The following TBL1XR1 variants were observed in gnomAD, a reference collection of about 807,000 sequenced individuals.
The protein encoded by TBL1XR1 is F-box-like/WD repeat-containing protein TBL1XR1.
TBL1XR1 carries 5 observed loss-of-function variants against 66.9 expected under a neutral mutation model. The ratio of observed to expected loss-of-function variants is 0.07; its 90% CI spans 0.04 to 0.16. The LOEUF (loss-of-function observed/expected upper bound fraction) is 0.16, where lower values mean the gene tolerates loss of function less well. TBL1XR1 is among the 10% of genes least tolerant of loss of function. TBL1XR1 has a pLI of 1.00. For missense variants in TBL1XR1, 238 were observed against 623.2 expected (o/e 0.38, Z 6.58); for synonymous variants, 210 against 206.0 (o/e 1.02, Z -0.17).
chr3:177,133,330 CA>C (rs1237445467), intron 1 of TBL1XR1, among the ~76,000 whole-genome samples: 1 of 152,056 alleles, frequency 6.6e-6, no homozygotes, highest in Non-Finnish European at 1.5e-5. Context: ...AACGAATCCA[CA>C]ATCCTTGGAT....
At chr3:177,130,881 C>T (rs753548451) in intron 1 of TBL1XR1, among the ~76,000 whole-genome samples, 8 of 152,082 alleles carry the variant, frequency 5.3e-5, no homozygotes, top group African/African-American at 1.7e-4. Flanking sequence ...ATTACTGAGC[C>T]GGACACAGAG....
At chr3:177,070,335 A>G (rs1286742893) in intron 2 of TBL1XR1, among the ~76,000 whole-genome samples, 2 of 152,276 alleles carry the variant, frequency 1.3e-5, no homozygotes, top group Admixed American at 1.3e-4. Flanking sequence ...ACATAAAAAT[A>G]CATATCCTAG....
In TBL1XR1 at chr3:177,189,228, C is replaced by T. The variant is rs1349775415; in HGVS notation, c.-122+7893G>A. ...GTCTCAAAATAAAAATAAGAAATAA[C>T]AATTTCAGGCCAGGTGTGGTGGCTC... On this transcript the variant is annotated intron_variant, in intron 1 of 15. Coordinates refer to ENST00000457928, the MANE Select transcript of TBL1XR1 (RefSeq NM_024665.7). 2.0e-5 allele frequency among the ~76,000 whole-genome samples: 3 copies of T among 147,136 alleles called. No individual in the cohort carries two copies. In the East Asian group the frequency reaches 6.2e-4, roughly 30 times the overall value.
At chr3:177,033,218 A>G in intron 13 of TBL1XR1, 82 bp from the exon 14 acceptor site, 4 of 1,245,376 alleles carry the variant, frequency 3.2e-6, no homozygotes, top group Non-Finnish European at 4.2e-6. Flanking sequence ...TCCCATATTC[A>G]GCCAAATCTA....
chr3:177,054,053 T>TGCGCGCGC (rs1341640286), intron 3 of TBL1XR1, 135 bp from the exon 4 acceptor site: 5 of 561,966 alleles, frequency 8.9e-6, no homozygotes, highest in Non-Finnish European at 1.5e-5. Flanking sequence ...GTCGTGTGTG[T>TGCGCGCGC]GTGTGTGTGT....
chr3:177,113,572 T>A (rs1725923231), intron 1 of TBL1XR1, among the ~76,000 whole-genome samples: 1 of 152,218 alleles, frequency 6.6e-6, no homozygotes, highest in African/African-American at 2.4e-5. Context: ...GGCTCATGCC[T>A]GTAATCTTAA....
upstream of TBL1XR1, among the ~76,000 whole-genome samples, chr3:177,200,232 A>G (rs529462192): frequency 1.3e-5 from 2 of 152,252 alleles, no homozygotes; most frequent in Admixed American, 6.5e-5. Flanking sequence ...TCAGCCTCCC[A>G]AAGTGTTGGG....
chr3:177,172,651 G>A (rs1310085903), intron 1 of TBL1XR1, among the ~76,000 whole-genome samples: 1 of 128,184 alleles, frequency 7.8e-6, no homozygotes, highest in African/African-American at 2.8e-5. Flanking sequence ...GAGAGAGAAA[G>A]AGAGAGAGAG....
At chr3:177,141,362 A>C (rs1044620850) in intron 1 of TBL1XR1, among the ~76,000 whole-genome samples, 7 of 152,252 alleles carry the variant, frequency 4.6e-5, no homozygotes, top group African/African-American at 1.7e-4. Flanking sequence ...GAAGTTAAGT[A>C]AGTCAGAATA....
rs1712305413 is a variant in TBL1XR1 at position 177,021,181 on chromosome 3, A to G, written c.*4317T>C. 6.6e-6 allele frequency: 1 copy of G among 152,442 alleles called. No homozygotes were observed. Among genetic ancestry groups the G allele is most frequent in the African/African-American group, 2.4e-5 (1 of 41,462 alleles). 9.4% of individuals were successfully genotyped at this position (152,442 alleles called of 1,614,324 possible). A position where few individuals can be genotyped will look rare whatever the true frequency, so the allele number is the denominator to read the frequency against. On this transcript the variant is annotated 3_prime_UTR_variant, in exon 16 of 16. Coordinates refer to ENST00000457928, the MANE Select transcript of TBL1XR1 (RefSeq NM_024665.7). ...TTGTAAAAACAAAAATGGAAACAGTATAGCTACAATGTCAAAGTCAGGAAA... is the reference window on the plus strand; with the variant it reads ...TTGTAAAAACAAAAATGGAAACAGTGTAGCTACAATGTCAAAGTCAGGAAA...
At chr3:177,057,183 T>TTATA (rs1200765676) in intron 3 of TBL1XR1, among the ~76,000 whole-genome samples, 6 of 152,196 alleles carry the variant, frequency 3.9e-5, no homozygotes, top group Admixed American at 6.5e-5. Flanking sequence ...ATATGCTGTG[T>TTATA]TATACATCAT....
Position 177,020,242 on chromosome 3 carries a change from CCAAA to C in TBL1XR1, c.*5252_*5255del. 1 of 151,626 alleles carries C rather than the reference CCAAA, an allele frequency of 6.6e-6. No homozygotes were observed. The highest frequency in any genetic ancestry group is 2.0e-4 in the East Asian group (1 of 5,126). 9.4% of individuals were successfully genotyped at this position (151,626 alleles called of 1,614,324 possible). A position where few individuals can be genotyped will look rare whatever the true frequency, so the allele number is the denominator to read the frequency against. ...GTTTTGTGCTCAACCGTGTGGCTAA[CCAAA>C]CAAATGTTATCTAAGGTCTCTTTTT... On this transcript the variant is annotated 3_prime_UTR_variant, in exon 16 of 16. Transcript: ENST00000457928.
In TBL1XR1 at chr3:177,024,400, CATATTTAAGCTTCT is replaced by C. The variant is rs1414005114; in HGVS notation, c.*1084_*1097del. On this transcript the variant is annotated 3_prime_UTR_variant, in exon 16 of 16. Transcript: ENST00000457928. ...TTAATACTGGAGTTTGGTTACATTA[CATATTTAAGCTTCT>C]ACACAGAATGATGGACACTTCGAGA... 6.6e-6 allele frequency: 1 copy of C among 152,498 alleles called. No homozygotes were observed. Among genetic ancestry groups the C allele is most frequent in the East Asian group, 1.9e-4 (1 of 5,192 alleles). 9.4% of individuals were successfully genotyped at this position (152,498 alleles called of 1,614,324 possible). A position where few individuals can be genotyped will look rare whatever the true frequency, so the allele number is the denominator to read the frequency against.
chr3:177,046,903 T>C (rs1484881608), intron 9 of TBL1XR1, among the ~76,000 whole-genome samples: 1 of 152,152 alleles, frequency 6.6e-6, no homozygotes, highest in African/African-American at 2.4e-5. Context: ...CAAAGAAGGC[T>C]AGACAGATCC....
In TBL1XR1 at chr3:177,133,876, C is replaced by CAAAAAAAAAA. The variant is rs541940840; in HGVS notation, c.-121-35345_-121-35336dup. On this transcript the variant is annotated intron_variant, in intron 1 of 15. Transcript: ENST00000457928. The stretch of plus-strand genomic sequence containing the variant: ...GGGCGAAAGAGTGAGACTCCTATCT[C>CAAAAAAAAAA]AAAAAAAAAAAAAAAAAAAGTAACA... Among the ~76,000 whole-genome samples, 941 of 105,652 alleles carry CAAAAAAAAAA rather than the reference C, an allele frequency of 8.9e-3. 38 individuals carry two copies. The highest frequency in any genetic ancestry group is 0.013 in the Non-Finnish European group (694 of 52,096). The allele number at this position is 105,652 out of a possible 152,430, so 69.3% of individuals were successfully genotyped here.
intron 1 of TBL1XR1, among the ~76,000 whole-genome samples, chr3:177,137,967 C>A (rs538409492): frequency 6.6e-6 from 1 of 152,226 alleles, no homozygotes; most frequent in African/African-American, 2.4e-5. Context: ...AAGACCCTGT[C>A]TCAAAGATAA....
At chr3:177,052,789 A>G (rs1717271606) in intron 4 of TBL1XR1, among the ~76,000 whole-genome samples, 1 of 152,202 alleles carries the variant, frequency 6.6e-6, no homozygotes, top group African/African-American at 2.4e-5. Flanking sequence ...GTAATGGGAA[A>G]AGCTCCTCAC....
chr3:177,104,600 A>G (rs1021383574), intron 1 of TBL1XR1, among the ~76,000 whole-genome samples: 1 of 152,216 alleles, frequency 6.6e-6, no homozygotes, highest in Middle Eastern at 3.2e-3. Flanking sequence ...ACAGCTTTGC[A>G]ATTACTGCCT....
chr3:177,112,107 A>ATATATATATATATATATATATATTTTTTT, intron 1 of TBL1XR1, among the ~76,000 whole-genome samples: 1 of 37,650 alleles, frequency 2.7e-5, no homozygotes, highest in Non-Finnish European at 4.5e-5. Flanking sequence ...ATATATATAT[A>ATATATATATATATATATATATATTTTTTT]TTTTTTTTTT....
Sources: gnomAD v4.1 joint callset for allele counts (sites outside exome capture counted in the v4.1 genomes callset) on GRCh38, gnomAD v4.1.1 for gene constraint, MANE v1.5 for transcripts, NCBI Gene and HGNC (gene_info 2026-07-23, HGNC 2026-07-21) for gene names.